The following ACOT11 variants were observed in gnomAD, a reference collection of about 807,000 sequenced individuals.
The protein encoded by ACOT11 is acyl-coenzyme A thioesterase 11.
ACOT11 carries 69 observed loss-of-function variants against 77.5 expected under a neutral mutation model. The ratio of observed to expected loss-of-function variants is 0.89; its 90% confidence interval spans 0.73 to 1.09. The LOEUF (loss-of-function observed/expected upper bound fraction) is 1.09, where lower values mean the gene tolerates loss of function less well. ACOT11 is among the 50% of genes least tolerant of loss of function. The probability of loss-of-function intolerance (pLI) is 0.00; values close to 1 mark genes in which losing one functional copy is unlikely to be tolerated. For missense variants in ACOT11, 766 were observed against 813.7 expected (o/e 0.94, Z 0.71); for synonymous variants, 279 against 313.0 (o/e 0.89, Z 1.15).
At chr1:54,578,710 G>C (rs1179929370) in intron 1 of ACOT11, among the ~76,000 whole-genome samples, 1 of 152,082 alleles carries the variant, frequency 6.6e-6, no homozygotes, top group Non-Finnish European at 1.5e-5. Context: ...CAGTGTGATA[G>C]AAAGGAGAAT....
intron 1 of ACOT11, among the ~76,000 whole-genome samples, chr1:54,566,162 T>C (rs911235824): frequency 4.6e-5 from 7 of 151,980 alleles, no homozygotes; most frequent in African/African-American, 1.7e-4. Flanking sequence ...GACTTCTAAA[T>C]AGCTGAGTGT....
At chr1:54,555,369 G>A (rs916606431) in intron 1 of ACOT11, among the ~76,000 whole-genome samples, 2 of 152,118 alleles carry the variant, frequency 1.3e-5, no homozygotes, top group Non-Finnish European at 2.9e-5. Context: ...TCATATACCT[G>A]GTGGACATTT....
chr1:54,577,542 C>CAT (rs1159885574), intron 1 of ACOT11, among the ~76,000 whole-genome samples: 2 of 35,744 alleles, frequency 5.6e-5, no homozygotes, highest in African/African-American at 3.1e-4. Flanking sequence ...TATATACATA[C>CAT]ATATATATTA....
intron 3 of ACOT11, 127 bp downstream of exon 3, chr1:54,586,031 G>A: frequency 1.0e-6 from 1 of 965,536 alleles, no homozygotes; most frequent in African/African-American, 1.6e-5. Context: ...CTGAAAATGA[G>A]GTGGGGGCAG....
At chr1:54,608,419 T>C (rs1644060318) in intron 15 of ACOT11, among the ~76,000 whole-genome samples, 1 of 152,146 alleles carries the variant, frequency 6.6e-6, no homozygotes, top group South Asian at 2.1e-4. Flanking sequence ...GCGCAGTCCG[T>C]GTTGATGGAA....
chr1:54,599,623 G>GACCCA, intron 8 of ACOT11: 1 of 420,834 alleles, frequency 2.4e-6, no homozygotes, highest in Non-Finnish European at 3.7e-6. Flanking sequence ...GCCCACCCCT[G>GACCCA]GCTGGGTCAG....
intron 1 of ACOT11, among the ~76,000 whole-genome samples, chr1:54,556,526 A>G (rs1427955392): frequency 2.0e-5 from 3 of 151,656 alleles, no homozygotes; most frequent in Non-Finnish European, 4.4e-5. Context: ...TGAACATGGG[A>G]TCTTTTCATT....
At position 54,622,275 on chromosome 1, in the gene ACOT11, CAAA is replaced by C. The variant is rs34730286; in HGVS notation, c.1630-8438_1630-8436del. ...TGAGTGACAGAGTGAGACTCTGTCT[CAAA>C]AAAAAAAAAAAAAAAAAAAAGGCCA... is the stretch of plus-strand genomic sequence containing the variant. On this transcript the variant is annotated intron_variant, in intron 15 of 16. Coordinates refer to the ACOT11 transcript ENST00000371316. 6.4e-3 allele frequency among the ~76,000 whole-genome samples: 295 copies of C among 45,910 alleles called. 1 individual carries two copies. Among genetic ancestry groups the C allele is most frequent in the African/African-American group, 0.024 (270 of 11,160 alleles). 30.1% of individuals were successfully genotyped at this position (45,910 alleles called of 152,430 possible).
rs781469724 is a variant in ACOT11, at chr1:54,604,415, T to G, written c.1222T>G (p.Ser408Ala). ...GGCCAAGGACAACTGGGTGCTGTCC[T>G]CGGAGATCAGTCAGGTAGCTGACCC... ...LVAKDNWVLS[S>A]EISQVRLYTL... is the part of the protein sequence containing the mutation. Residue 408 changes from serine (S) to alanine (A), a missense_variant, in exon 12 of 16, where the codon TCG (serine) becomes GCG (alanine). Transcript: ENST00000343744. 1 of 1,614,054 alleles carries G rather than the reference T, an allele frequency of 6.2e-7. No homozygotes were observed. Among genetic ancestry groups the G allele is most frequent in the Non-Finnish European group, 8.5e-7 (1 of 1,180,014 alleles).
At chr1:54,610,772 T>C (rs1644109289), downstream of ACOT11, 1 of 984,334 alleles carries the variant, frequency 1.0e-6, no homozygotes. Flanking sequence ...TGGAACCTGA[T>C]GGGACCAGGT....
intron 1 of ACOT11, among the ~76,000 whole-genome samples, chr1:54,553,074 G>A (rs1653127886): frequency 6.6e-6 from 1 of 151,208 alleles, no homozygotes; most frequent in Non-Finnish European, 1.5e-5. Flanking sequence ...TGAGCCACCC[G>A]CCTAGGCCTC....
At chr1:54,576,491 TAAAAAAAAAA>T (rs71581820) in intron 1 of ACOT11, among the ~76,000 whole-genome samples, 1 of 68,366 alleles carries the variant, frequency 1.5e-5, no homozygotes, top group Non-Finnish European at 3.0e-5. Context: ...GAGCAAGATC[TAAAAAAAAAA>T]AAAAAAAAAA....
downstream of ACOT11, among the ~76,000 whole-genome samples, chr1:54,613,189 G>C (rs1285194568): frequency 2.6e-5 from 4 of 152,030 alleles, no homozygotes; most frequent in Non-Finnish European, 4.4e-5. Flanking sequence ...AGACCAGCCT[G>C]ACCAACATGG....
chr1:54,581,250 G>A (rs1205218287), intron 1 of ACOT11, among the ~76,000 whole-genome samples: 1 of 152,208 alleles, frequency 6.6e-6, no homozygotes, highest in Non-Finnish European at 1.5e-5. Context: ...GCCTGTTTAA[G>A]GTCGGATCAT....
rs893744944 is a variant in ACOT11, at chr1:54,585,856, C to T, written c.263C>T (p.Pro88Leu). The change falls in exon 3 of 16, where the codon CCC becomes CTC. Residue 88 changes from proline (P) to leucine (L), a missense_variant. Pro to Leu is a moderately conservative substitution (Grantham distance 98). Coordinates refer to ENST00000343744, the MANE Select transcript of ACOT11 (RefSeq NM_147161.4). ...CCAGCGGAGAGGCACGCTGGCTGCC[C>T]CTGTGTCACAGCTTCCATGGATGAC... ...CLSAERHAGC[P>L]CVTASMDDIY... 14 of 1,613,894 alleles carry T rather than the reference C, an allele frequency of 8.7e-6. No individual in the cohort carries two copies. Among genetic ancestry groups the T allele is most frequent in the Non-Finnish European group, 1.2e-5 (14 of 1,179,976 alleles).
chr1:54,639,078 C>CAGCTA (rs983067079), exon 17 of ACOT11: 2 of 150,890 alleles, frequency 1.3e-5, no homozygotes, highest in Admixed American at 1.3e-4. Flanking sequence ...CCTATAATCC[C>CAGCTA]AGCTACTTGG....
At chr1:54,573,842 G>T (rs1297031638) in intron 1 of ACOT11, among the ~76,000 whole-genome samples, 3 of 151,976 alleles carry the variant, frequency 2.0e-5, no homozygotes, top group Non-Finnish European at 4.4e-5. Context: ...CCAGCCTGAT[G>T]AACATGGTGA....
intron 1 of ACOT11, among the ~76,000 whole-genome samples, chr1:54,579,640 C>A (rs561102430): frequency 9.9e-5 from 15 of 152,186 alleles, no homozygotes; most frequent in South Asian, 2.1e-4. Context: ...GACAATGGGG[C>A]CTTTCATGGG....
rs1052037978 is a variant in ACOT11 at position 54,563,777 on chromosome 1, G to A, written c.33+15435G>A. Reference sequence around the variant, plus strand: ...TACTAAAAATAACATTTAAAAAATTGGGCTTGGTGCCGTGGCTCATGCCTG... The same window carrying A: ...TACTAAAAATAACATTTAAAAAATTAGGCTTGGTGCCGTGGCTCATGCCTG... On this transcript the variant is annotated intron_variant, in intron 1 of 15. Coordinates refer to ENST00000343744, the MANE Select transcript of ACOT11 (RefSeq NM_147161.4). 3.9e-5 allele frequency among the ~76,000 whole-genome samples: 6 copies of A among 152,010 alleles called. No homozygotes were observed. The East Asian group carries it at 1.2e-3, about 29-fold the overall frequency.
Sources: gnomAD v4.1 joint callset for allele counts (sites outside exome capture counted in the v4.1 genomes callset) on GRCh38, gnomAD v4.1.1 for gene constraint, MANE v1.5 for transcripts, NCBI Gene and HGNC (gene_info 2026-07-23, HGNC 2026-07-21) for gene names.